ZDHHC15: variants seen among roughly 807,000 people sequenced by gnomAD.
ZDHHC15 encodes zDHHC palmitoyltransferase 15.
A neutral mutation model predicts 31.7 loss-of-function variants in ZDHHC15; 19 were observed. The observed-to-expected ratio is 0.60, with a 90% CI of 0.42 to 0.88. The LOEUF is 0.88. Among genes scored for constraint, ZDHHC15 ranks in the 40% least tolerant of loss-of-function variants. The pLI is 0.00. For missense variants in ZDHHC15, 209 were observed against 251.2 expected, an observed-to-expected ratio of 0.83 and a Z score of 1.14; for synonymous variants, 103 against 90.0, an observed-to-expected ratio of 1.14 and a Z score of -0.82.
chrX:75,432,357 T>C (rs1184741491), intron 4 of ZDHHC15, among the ~76,000 whole-genome samples: 2 of 111,776 alleles, frequency 1.8e-5, no homozygotes, highest in Non-Finnish European at 3.8e-5. Flanking sequence ...ACTAATATAA[T>C]CATTTCATCT....
chrX:75,482,560 T>C, intron 2 of ZDHHC15, among the ~76,000 whole-genome samples: 1 of 111,833 alleles, frequency 8.9e-6, no homozygotes, highest in East Asian at 2.8e-4. Context: ...AAACCTTCTA[T>C]GAAGCTGGTT....
rs2085147701 is a variant in ZDHHC15, at chrX:75,505,691, A to G, written c.163+130T>C. ...CTGTGTAAGCTTCCTGAAAACCATC[A>G]TTCTAAACTTTCTCCTCACCCAAGT... On this transcript the variant is annotated intron_variant, in intron 2 of 11. Transcript: ENST00000373367. 4.0e-6 allele frequency: 3 copies of G among 746,947 alleles called. No individual in the cohort carries two copies. The South Asian group carries it at 9.0e-5, about 22-fold the overall frequency. The allele number at this position is 746,947 out of a possible 1,213,427, so 61.6% of individuals were successfully genotyped here.
chrX:75,456,066 T>C (rs1196657492), intron 3 of ZDHHC15, among the ~76,000 whole-genome samples: 2 of 111,734 alleles, frequency 1.8e-5, no homozygotes, highest in Non-Finnish European at 3.8e-5. Flanking sequence ...ATGTTTATTG[T>C]GGCACTATTC....
chrX:75,484,188 C>G (rs1476710750), intron 2 of ZDHHC15, among the ~76,000 whole-genome samples: 1 of 111,509 alleles, frequency 9.0e-6, no homozygotes. Flanking sequence ...CTGGAACAGT[C>G]TATTCTATTG....
intron 11 of ZDHHC15, among the ~76,000 whole-genome samples, chrX:75,374,811 A>G (rs1267449201): frequency 9.1e-6 from 1 of 110,401 alleles, no homozygotes; most frequent in Non-Finnish European, 1.9e-5. Context: ...AAGCCAGACA[A>G]AACAAAAAAA....
intron 2 of ZDHHC15, among the ~76,000 whole-genome samples, chrX:75,494,954 TC>T (rs2084966496): frequency 9.0e-6 from 1 of 111,492 alleles, no homozygotes; most frequent in South Asian, 3.7e-4. Context: ...CAACTAAAGA[TC>T]TTCTGCACAG....
At chrX:75,389,372 G>T (rs1405869139) in intron 10 of ZDHHC15, among the ~76,000 whole-genome samples, 1 of 110,291 alleles carries the variant, frequency 9.1e-6, no homozygotes, top group Non-Finnish European at 1.9e-5. Flanking sequence ...TGAGATACCA[G>T]CCAGGGTGGT....
rs1306605699 is a variant in ZDHHC15, at chrX:75,372,457, C to T, written c.*521G>A. ...GAGGAAAAGCATAATTAAACAAAGG[C>T]TTCAGGTTTTTAGCCCTGATTTTCA... is the stretch of plus-strand genomic sequence containing the variant. On this transcript the variant is annotated 3_prime_UTR_variant, in exon 12 of 12. Transcript: ENST00000373367. The T allele has an allele frequency of 9.0e-6, 1 of 111,696 alleles. No individual in the cohort carries two copies. The highest frequency in any genetic ancestry group is 1.9e-5 in the Non-Finnish European group (1 of 53,152). The allele number at this position is 111,696 out of a possible 1,213,427, so 9.2% of individuals were successfully genotyped here. A position where few individuals can be genotyped will look rare whatever the true frequency, so the allele number is the denominator to read the frequency against.
intron 4 of ZDHHC15, among the ~76,000 whole-genome samples, chrX:75,432,240 T>A (rs1324065300): frequency 1.8e-5 from 2 of 111,690 alleles, no homozygotes; most frequent in Admixed American, 9.5e-5. Flanking sequence ...TTCCTTTAGA[T>A]GAAAGGTATT....
chrX:75,389,272 C>A (rs1485126633), intron 10 of ZDHHC15, among the ~76,000 whole-genome samples: 2 of 111,429 alleles, frequency 1.8e-5, no homozygotes, highest in African/African-American at 6.5e-5. Context: ...ACTTGAAAGG[C>A]AGTCTAGGGC....
rs779110467 is a variant in ZDHHC15 at position 75,480,760 on chromosome X, TC to T, written c.164-1776del. On this transcript the variant is annotated intron_variant, in intron 2 of 11. Coordinates refer to ENST00000373367, the MANE Select transcript of ZDHHC15 (RefSeq NM_144969.3). ...GCTGTCTCTGAGGAAAATTTGTTCT[TC>T]CCCCTTCTCTTGCTAATACAAATAA... Among the ~76,000 whole-genome samples, 15 of 111,385 alleles carry T rather than the reference TC, an allele frequency of 1.3e-4. No homozygotes were observed. In the South Asian group the frequency reaches 5.7e-3, roughly 43 times the overall value.
At chrX:75,420,255 A>T (rs1398080664) in intron 9 of ZDHHC15, among the ~76,000 whole-genome samples, 1 of 111,574 alleles carries the variant, frequency 9.0e-6, no homozygotes, top group Admixed American at 9.5e-5. Context: ...CCACAATGAG[A>T]CACCATCTCA....
At chrX:75,415,865 C>T (rs1390546328) in intron 10 of ZDHHC15, among the ~76,000 whole-genome samples, 3 of 112,349 alleles carry the variant, frequency 2.7e-5, no homozygotes, top group African/African-American at 9.7e-5. Context: ...ACACAAAGCT[C>T]AGCTATGAAT....
chrX:75,522,618 G>A (rs1466709619), intron 1 of ZDHHC15, among the ~76,000 whole-genome samples: 1 of 110,763 alleles, frequency 9.0e-6, no homozygotes, highest in Non-Finnish European at 1.9e-5. Flanking sequence ...AGAAAAGGGA[G>A]CCCTCGTGGG....
At chrX:75,488,333 C>A (rs752305379) in intron 2 of ZDHHC15, among the ~76,000 whole-genome samples, 4 of 111,886 alleles carry the variant, frequency 3.6e-5, no homozygotes, top group East Asian at 5.7e-4. Flanking sequence ...CAGCAGAAAC[C>A]CTGCAAGCCA....
In ZDHHC15 at chrX:75,522,985, G is replaced by A. The variant is rs748273352; in HGVS notation, c.40C>T (p.Arg14Trp). The A allele has an allele frequency of 1.7e-6, 2 of 1,210,172 alleles. No homozygotes were observed. Among genetic ancestry groups the A allele is most frequent in the South Asian group, 3.5e-5 (2 of 56,804 alleles). ...GWKMALSGGL[R>W]CCRRVLSWVP... ...CAGGACAGTACCCGGCGGCAGCACCGCAGCCCCCCAGACAGAGCCATCTTC... is the reference window on the plus strand; with the variant it reads ...CAGGACAGTACCCGGCGGCAGCACCACAGCCCCCCAGACAGAGCCATCTTC... Residue 14 changes from arginine to tryptophan, a missense_variant, in exon 1 of 12, where the codon CGG (arginine) becomes TGG (tryptophan). Physicochemically the swap from Arg to Trp is moderately radical, Grantham distance 101. Transcript: ENST00000373367.
chrX:75,508,974 G>A (rs866350240), intron 1 of ZDHHC15, among the ~76,000 whole-genome samples: 1 of 110,886 alleles, frequency 9.0e-6, no homozygotes, highest in East Asian at 2.8e-4. Flanking sequence ...CATATCCTTC[G>A]CCCACTTTTT....
At chrX:75,412,479 T>A (rs1299018992) in intron 10 of ZDHHC15, among the ~76,000 whole-genome samples, 3 of 110,607 alleles carry the variant, frequency 2.7e-5, no homozygotes, top group Non-Finnish European at 5.7e-5. Flanking sequence ...TTGCCCAGGC[T>A]GAAGTGCAGT....
At chrX:75,484,644 G>T (rs183428139) in intron 2 of ZDHHC15, among the ~76,000 whole-genome samples, 1 of 111,865 alleles carries the variant, frequency 8.9e-6, no homozygotes, top group Admixed American at 9.5e-5. Context: ...AACTGCTTTG[G>T]AAAACACTTT....
Sources: allele counts gnomAD v4.1 joint callset (sites outside exome capture counted in the v4.1 genomes callset), GRCh38; gene constraint gnomAD v4.1.1; transcripts MANE v1.5; gene names NCBI Gene and HGNC (gene_info 2026-07-23, HGNC 2026-07-21).